Variants in CNTNAP2 observed in about 807,000 individuals in gnomAD.
CNTNAP2 encodes contactin associated protein 2.
Under a neutral mutation model 155.2 loss-of-function variants are expected in CNTNAP2, and 98 were observed. That is an observed-to-expected ratio of 0.63 (90% confidence interval 0.54 to 0.75). The LOEUF (loss-of-function observed/expected upper bound fraction) is 0.75. Among genes scored for constraint, CNTNAP2 ranks in the 30% least tolerant of loss-of-function variants. The pLI is 0.00. For missense variants in CNTNAP2, 1,727 were observed against 1,688.1 expected, an observed-to-expected ratio of 1.02 and a Z score of -0.40; for synonymous variants, 651 against 631.2, an observed-to-expected ratio of 1.03 and a Z score of -0.47.
intron 8 of CNTNAP2, among the ~76,000 whole-genome samples, chr7:147,141,495 TAA>T (rs1801596737): frequency 6.6e-6 from 1 of 152,100 alleles, no homozygotes; most frequent in African/African-American, 2.4e-5. Flanking sequence ...TTAAGCCATT[TAA>T]TGCTTGGAAC....
chr7:146,720,919 A>C (rs989883664), intron 1 of CNTNAP2, among the ~76,000 whole-genome samples: 1 of 133,786 alleles, frequency 7.5e-6, no homozygotes, highest in Non-Finnish European at 1.6e-5. Context: ...TATACTCTCT[A>C]TATATTCTAT....
chr7:146,144,235 TCTG>T (rs1797924143), intron 1 of CNTNAP2, among the ~76,000 whole-genome samples: 1 of 152,142 alleles, frequency 6.6e-6, no homozygotes, highest in African/African-American at 2.4e-5. Flanking sequence ...CACTGCAAGC[TCTG>T]CCTGCCAGGC....
At chr7:146,683,995 C>T (rs1392353022) in intron 1 of CNTNAP2, among the ~76,000 whole-genome samples, 1 of 152,180 alleles carries the variant, frequency 6.6e-6, no homozygotes, top group Admixed American at 6.5e-5. Context: ...TGTCTCTCAC[C>T]TTCTGGTTCA....
At chr7:146,427,185 G>A (rs1488929003) in intron 1 of CNTNAP2, among the ~76,000 whole-genome samples, 1 of 152,046 alleles carries the variant, frequency 6.6e-6, no homozygotes, top group African/African-American at 2.4e-5. Flanking sequence ...TCGCTTTTAA[G>A]TTTCACCTCC....
intron 11 of CNTNAP2, among the ~76,000 whole-genome samples, chr7:147,507,950 C>G (rs1431289146): frequency 6.6e-6 from 1 of 152,110 alleles, no homozygotes; most frequent in Non-Finnish European, 1.5e-5. Context: ...CAGTATACTT[C>G]CTGGGCTTTT....
At chr7:147,678,808 G>A (rs185276198) in intron 13 of CNTNAP2, among the ~76,000 whole-genome samples, 64 of 151,994 alleles carry the variant, frequency 4.2e-4, no homozygotes, top group African/African-American at 1.5e-3. Flanking sequence ...ACTACTTATA[G>A]GTGGGAGTGG....
intron 15 of CNTNAP2, among the ~76,000 whole-genome samples, chr7:147,991,922 A>C (rs1450156095): frequency 5.3e-5 from 8 of 151,998 alleles, no homozygotes; most frequent in Non-Finnish European, 8.8e-5. Context: ...TCACACTCCT[A>C]ACTATGTGCA....
At position 146,823,627 on chromosome 7, in the gene CNTNAP2, C is replaced by A. The variant is rs1408929315; in HGVS notation, c.209-16084C>A. 1.4e-3 allele frequency among the ~76,000 whole-genome samples: 160 copies of A among 115,996 alleles called. No individual in the cohort carries two copies. The African/African-American group carries it at 0.014, about 10-fold the overall frequency. 76.1% of individuals were successfully genotyped at this position (115,996 alleles called of 152,430 possible). On this transcript the variant is annotated intron_variant, in intron 2 of 23. Coordinates refer to ENST00000361727, the MANE Select transcript of CNTNAP2 (RefSeq NM_014141.6). ...ATATACTCATTCTTCAGTATATTTA[C>A]ATGGAAATATACTCATTCTTCAGTA... is the stretch of plus-strand genomic sequence containing the variant.
At chr7:148,144,884 T>C (rs1171151952) in intron 16 of CNTNAP2, among the ~76,000 whole-genome samples, 1 of 152,136 alleles carries the variant, frequency 6.6e-6, no homozygotes, top group Non-Finnish European at 1.5e-5. Flanking sequence ...TCTATAATTA[T>C]CTCTTTTAAA....
rs566566482 is a variant in CNTNAP2 at position 146,921,674 on chromosome 7, A to G, written c.402+81770A>G. On this transcript the variant is annotated intron_variant, in intron 3 of 23. Transcript: ENST00000361727. The stretch of plus-strand genomic sequence containing the variant: ...ATTGGGGAAATCACCTCACGATTCA[A>G]TTATCTCCACCTGGCCCCACCTTTG... Among the ~76,000 whole-genome samples, 14 of 152,194 alleles carry G rather than the reference A, an allele frequency of 9.2e-5. No homozygotes were observed. The South Asian group carries it at 2.7e-3, about 29-fold the overall frequency.
At chr7:146,613,427 T>C (rs1799171898) in intron 1 of CNTNAP2, among the ~76,000 whole-genome samples, 1 of 152,240 alleles carries the variant, frequency 6.6e-6, no homozygotes, top group African/African-American at 2.4e-5. Context: ...ATGGTGATTT[T>C]TGATTATAGT....
chr7:147,943,761 C>T (rs1224304888), intron 14 of CNTNAP2, among the ~76,000 whole-genome samples: 1 of 89,658 alleles, frequency 1.1e-5, no homozygotes, highest in Admixed American at 1.8e-4. Flanking sequence ...AGTGAGACCC[C>T]GTCTCAAAAA....
At chr7:146,599,786 CTA>C (rs1291414809) in intron 1 of CNTNAP2, among the ~76,000 whole-genome samples, 3 of 61,524 alleles carry the variant, frequency 4.9e-5, no homozygotes, top group Non-Finnish European at 1.0e-4. Context: ...AGATAGATCT[CTA>C]GTTTTATGTA....
intron 2 of CNTNAP2, among the ~76,000 whole-genome samples, chr7:146,777,044 G>A (rs1802402021): frequency 6.6e-6 from 1 of 152,144 alleles, no homozygotes; most frequent in Non-Finnish European, 1.5e-5. Flanking sequence ...CAGAAAGACA[G>A]ATGTTTCAAA....
chr7:147,873,533 A>G (rs1190273836), intron 13 of CNTNAP2, among the ~76,000 whole-genome samples: 1 of 152,152 alleles, frequency 6.6e-6, no homozygotes, highest in Non-Finnish European at 1.5e-5. Context: ...ACAGCACAGG[A>G]AAAACCCACC....
chr7:146,731,157 C>T (rs569062782), intron 1 of CNTNAP2, among the ~76,000 whole-genome samples: 1 of 152,226 alleles, frequency 6.6e-6, no homozygotes, highest in African/African-American at 2.4e-5. Flanking sequence ...AAATCAAAGT[C>T]CCCTAGGCCT....
At chr7:148,106,974 T>A (rs776455253) in intron 15 of CNTNAP2, among the ~76,000 whole-genome samples, 1 of 152,196 alleles carries the variant, frequency 6.6e-6, no homozygotes, top group African/African-American at 2.4e-5. Flanking sequence ...CCGGTAGACC[T>A]AGGATTACTC....
At chr7:148,323,815 G>A (rs1018508863) in intron 21 of CNTNAP2, among the ~76,000 whole-genome samples, 2 of 151,810 alleles carry the variant, frequency 1.3e-5, no homozygotes, top group African/African-American at 4.8e-5. Context: ...CCTCTCTGCT[G>A]TCTGTGGGTC....
At chr7:146,889,722 T>C (rs181571784) in intron 3 of CNTNAP2, among the ~76,000 whole-genome samples, 45 of 152,282 alleles carry the variant, frequency 3.0e-4, no homozygotes, top group Non-Finnish European at 5.3e-4. Context: ...TCCTAGTGTA[T>C]AGACTACGGA....
Sources: allele counts gnomAD v4.1 joint callset (sites outside exome capture counted in the v4.1 genomes callset), GRCh38; gene constraint gnomAD v4.1.1; transcripts MANE v1.5; gene names NCBI Gene and HGNC (gene_info 2026-07-23, HGNC 2026-07-21).